Variants in EPHB1 observed in about 807,000 individuals in gnomAD.
The protein encoded by EPHB1 is ephrin type-B receptor 1.
EPHB1 carries 30 observed loss-of-function variants against 94.4 expected under a neutral mutation model. The ratio of observed to expected loss-of-function variants is 0.32; its 90% confidence interval spans 0.24 to 0.43. The LOEUF is 0.43. EPHB1 is among the 20% of genes least tolerant of loss of function. The pLI is 1.00. For missense variants in EPHB1, 1,055 were observed against 1,308.3 expected (o/e 0.81, Z 2.99); for synonymous variants, 522 against 489.1 (o/e 1.07, Z -0.89).
chr3:134,903,710 G>A (rs2038254231), intron 1 of EPHB1, among the ~76,000 whole-genome samples: 1 of 152,130 alleles, frequency 6.6e-6, no homozygotes, highest in Admixed American at 6.5e-5. Context: ...AGGGACCAAA[G>A]GTAAGAATTC....
chr3:134,918,540 C>T (rs367728537), intron 1 of EPHB1, among the ~76,000 whole-genome samples: 2 of 152,266 alleles, frequency 1.3e-5, no homozygotes, highest in East Asian at 3.9e-4. Flanking sequence ...ATCTGTAAAC[C>T]AACATCCCCT....
intron 10 of EPHB1, among the ~76,000 whole-genome samples, chr3:135,181,042 T>C (rs1019184375): frequency 2.6e-5 from 4 of 152,224 alleles, no homozygotes; most frequent in Admixed American, 2.6e-4. Context: ...GTCTTACAGC[T>C]ACTTCATATA....
intron 10 of EPHB1, among the ~76,000 whole-genome samples, chr3:135,187,043 T>C (rs1942346914): frequency 6.6e-6 from 1 of 152,166 alleles, no homozygotes; most frequent in Non-Finnish European, 1.5e-5. Context: ...TCCTAGGTGA[T>C]ACTGATGCTA....
At chr3:135,231,193 G>A (rs1943522519) in intron 12 of EPHB1, among the ~76,000 whole-genome samples, 2 of 152,116 alleles carry the variant, frequency 1.3e-5, no homozygotes, top group Admixed American at 6.5e-5. Flanking sequence ...TAATTATTTA[G>A]CCCTTGTCTC....
chr3:134,922,333 C>T (rs2038704835), intron 1 of EPHB1, among the ~76,000 whole-genome samples: 1 of 152,228 alleles, frequency 6.6e-6, no homozygotes, highest in African/African-American at 2.4e-5. Flanking sequence ...CAGGAGCTCT[C>T]TGTGCCAGAA....
At chr3:135,161,970 G>A (rs917803166) in intron 6 of EPHB1, 48 bp from the exon 7 acceptor site, 26 of 1,563,360 alleles carry the variant, frequency 1.7e-5, no homozygotes, top group East Asian at 2.3e-5. Flanking sequence ...GGCTGGGGGT[G>A]TAGCCTTCAG....
Position 134,853,671 on chromosome 3 carries a change from A to G in EPHB1, c.58+57982A>G, listed in dbSNP as rs1261091294. Reference sequence around the variant, plus strand: ...GGTCTGTGTCTGAGTTCAAGATGGAAGGTGGTAGCCACAGTTACACAGATG... The same window carrying G: ...GGTCTGTGTCTGAGTTCAAGATGGAGGGTGGTAGCCACAGTTACACAGATG... On this transcript the variant is annotated intron_variant, in intron 1 of 15. Transcript: ENST00000398015. Among the ~76,000 whole-genome samples, 4 of 152,208 alleles carry G rather than the reference A, an allele frequency of 2.6e-5. No individual in the cohort carries two copies. The East Asian group carries it at 7.7e-4, about 29-fold the overall frequency.
intron 3 of EPHB1, among the ~76,000 whole-genome samples, chr3:135,011,939 C>T (rs1377643944): frequency 6.6e-6 from 1 of 151,000 alleles, no homozygotes; most frequent in South Asian, 2.1e-4. Flanking sequence ...TATAGAAAAA[C>T]TGTATCCTGA....
At chr3:134,889,205 G>A (rs995636010) in intron 1 of EPHB1, among the ~76,000 whole-genome samples, 2 of 152,168 alleles carry the variant, frequency 1.3e-5, no homozygotes, top group Non-Finnish European at 2.9e-5. Context: ...AAGATAAGGC[G>A]GGAAGGAAGA....
intron 3 of EPHB1, among the ~76,000 whole-genome samples, chr3:134,976,429 A>G (rs906202774): frequency 1.3e-5 from 2 of 152,230 alleles, no homozygotes; most frequent in African/African-American, 4.8e-5. Flanking sequence ...ATCAAACCAC[A>G]CTGAGATGAC....
In EPHB1 at chr3:134,795,376, A is replaced by G. The variant is rs1016009606; in HGVS notation, c.-256A>G. ...TTCTCCCTCGCCCTCTCTCTCTCACACACGCACGCACACACCCACCTCTCC... is the reference window on the plus strand; with the variant it reads ...TTCTCCCTCGCCCTCTCTCTCTCACGCACGCACGCACACACCCACCTCTCC... On this transcript the variant is annotated 5_prime_UTR_variant, in exon 1 of 16. Coordinates refer to ENST00000398015, the MANE Select transcript of EPHB1 (RefSeq NM_004441.5). The G allele has an allele frequency of 1.6e-5, 8 of 510,974 alleles. No homozygotes were observed. In the Admixed American group the frequency reaches 3.3e-4, roughly 21 times the overall value. The allele number at this position is 510,974 out of a possible 1,614,324, so 31.7% of individuals were successfully genotyped here. A position where few individuals can be genotyped will look rare whatever the true frequency, so the allele number is the denominator to read the frequency against.
chr3:134,799,305 G>T (rs2035890818), intron 1 of EPHB1, among the ~76,000 whole-genome samples: 1 of 152,210 alleles, frequency 6.6e-6, no homozygotes, highest in Admixed American at 6.5e-5. Context: ...ATATTTGTTT[G>T]CTGTGTGTTC....
At chr3:134,811,185 C>A (rs2036167016) in intron 1 of EPHB1, among the ~76,000 whole-genome samples, 1 of 149,844 alleles carries the variant, frequency 6.7e-6, no homozygotes, top group African/African-American at 2.4e-5. Flanking sequence ...GTTCTTGCAG[C>A]TAAACCAGCA....
At position 135,039,606 on chromosome 3, in the gene EPHB1, G is replaced by C. The variant is rs541865787; in HGVS notation, c.806-66842G>C. Among the ~76,000 whole-genome samples, 398 of 152,340 alleles carry C rather than the reference G, an allele frequency of 2.6e-3. 2 individuals carry two copies. The highest frequency in any genetic ancestry group is 9.0e-3 in the African/African-American group (375 of 41,572). On this transcript the variant is annotated intron_variant, in intron 3 of 15. Coordinates refer to ENST00000398015, the MANE Select transcript of EPHB1 (RefSeq NM_004441.5). ...GGCAGCTAAGGCCCGGCGAGAAATC[G>C]AGCACAGCGCCAGTGGGCCGGCACT...
At chr3:135,225,324 C>A (rs1257922063) in intron 12 of EPHB1, among the ~76,000 whole-genome samples, 1 of 152,126 alleles carries the variant, frequency 6.6e-6, no homozygotes, top group East Asian at 1.9e-4. Context: ...TCAACAAGGC[C>A]CGATGGGAAG....
chr3:134,803,415 A>T (rs898491447), intron 1 of EPHB1, among the ~76,000 whole-genome samples: 6 of 152,162 alleles, frequency 3.9e-5, no homozygotes, highest in Admixed American at 6.5e-5. Flanking sequence ...GGTCCCTGGG[A>T]CTGATTACGG....
intron 3 of EPHB1, among the ~76,000 whole-genome samples, chr3:134,958,413 A>AGTGTGTGTGTGTGTGTGTGT (rs3067407): frequency 9.2e-5 from 9 of 97,736 alleles, no homozygotes; most frequent in South Asian, 3.7e-4. Flanking sequence ...AACACAAGGG[A>AGTGTGTGTGTGTGTGTGTGT]GTGTGTGTGT....
chr3:135,056,592 C>G (rs1183310453), intron 3 of EPHB1, among the ~76,000 whole-genome samples: 1 of 152,246 alleles, frequency 6.6e-6, no homozygotes, highest in Non-Finnish European at 1.5e-5. Flanking sequence ...AAGGCAGGCC[C>G]ACAACCAGGC....
chr3:135,138,177 A>G (rs1246610944), intron 5 of EPHB1, among the ~76,000 whole-genome samples: 2 of 152,252 alleles, frequency 1.3e-5, no homozygotes, highest in Non-Finnish European at 2.9e-5. Flanking sequence ...TCCATGTGGA[A>G]TACTATCCAT....
Sources: gnomAD v4.1 joint callset for allele counts (sites outside exome capture counted in the v4.1 genomes callset) on GRCh38, gnomAD v4.1.1 for gene constraint, MANE v1.5 for transcripts, NCBI Gene and HGNC (gene_info 2026-07-23, HGNC 2026-07-21) for gene names.